The following CDH18 variants were observed in gnomAD, a reference collection of about 807,000 sequenced individuals.
CDH18 encodes the protein cadherin-18.
CDH18 carries 31 observed loss-of-function variants against 67.9 expected under a neutral mutation model. The observed-to-expected ratio is 0.46, with a 90% confidence interval of 0.34 to 0.62. The LOEUF (loss-of-function observed/expected upper bound fraction) is 0.62. CDH18 is among the 20% of genes least tolerant of loss of function. The pLI, the probability that CDH18 is intolerant of heterozygous loss-of-function variation, is 0.01. For synonymous variants in CDH18, 362 were observed against 347.2 expected, an observed-to-expected ratio of 1.04 and a Z score of -0.48; for missense variants, 890 against 975.5, an observed-to-expected ratio of 0.91 and a Z score of 1.17.
intron 5 of CDH18, among the ~76,000 whole-genome samples, chr5:19,710,861 G>A (rs1234525789): frequency 6.6e-6 from 1 of 151,910 alleles, no homozygotes; most frequent in Non-Finnish European, 1.5e-5. Flanking sequence ...CTTCATACAA[G>A]GCTATCATAA....
chr5:20,253,921 G>T (rs1455716051), intron 2 of CDH18, among the ~76,000 whole-genome samples: 1 of 152,092 alleles, frequency 6.6e-6, no homozygotes, highest in Non-Finnish European at 1.5e-5. Context: ...TACACAGGAT[G>T]AAAATTCCCA....
intron 2 of CDH18, among the ~76,000 whole-genome samples, chr5:20,216,904 A>G (rs1740824387): frequency 6.6e-6 from 1 of 151,970 alleles, no homozygotes; most frequent in African/African-American, 2.4e-5. Context: ...AAAATAACAT[A>G]CAAAGAAATT....
chr5:20,188,108 T>C (rs1301897275), intron 2 of CDH18, among the ~76,000 whole-genome samples: 1 of 151,956 alleles, frequency 6.6e-6, no homozygotes, highest in Non-Finnish European at 1.5e-5. Flanking sequence ...TTTATAGTAC[T>C]TTATTACACG....
At chr5:20,188,260 G>A (rs1340910602) in intron 2 of CDH18, among the ~76,000 whole-genome samples, 1 of 151,984 alleles carries the variant, frequency 6.6e-6, no homozygotes, top group Non-Finnish European at 1.5e-5. Context: ...GAAACCTCAT[G>A]TTGAAGCTAT....
At chr5:20,419,289 C>T (rs746594803) in intron 1 of CDH18, among the ~76,000 whole-genome samples, 5 of 151,854 alleles carry the variant, frequency 3.3e-5, no homozygotes, top group Non-Finnish European at 5.9e-5. Context: ...CTTTTTCTAC[C>T]GAGTCTTGAG....
chr5:19,887,739 T>G (rs1200537873), intron 2 of CDH18, among the ~76,000 whole-genome samples: 2 of 151,734 alleles, frequency 1.3e-5, no homozygotes, highest in Admixed American at 1.3e-4. Flanking sequence ...GTTTTTTTTT[T>G]TTTTAATTTT....
intron 2 of CDH18, among the ~76,000 whole-genome samples, chr5:20,127,058 T>A (rs1318084955): frequency 1.3e-5 from 2 of 152,190 alleles, no homozygotes; most frequent in East Asian, 3.8e-4. Context: ...CCCACCCAAA[T>A]CTCACATAGA....
At chr5:20,402,818 G>C (rs1418386115) in intron 1 of CDH18, among the ~76,000 whole-genome samples, 3 of 151,564 alleles carry the variant, frequency 2.0e-5, no homozygotes, top group African/African-American at 4.9e-5. Flanking sequence ...TGAGGCAGGA[G>C]AATTGCTTGA....
intron 5 of CDH18, among the ~76,000 whole-genome samples, chr5:19,684,794 T>C (rs1406200913): frequency 2.6e-5 from 4 of 152,080 alleles, no homozygotes; most frequent in Admixed American, 1.3e-4. Context: ...TTTCCCACAA[T>C]TGAAGTTTCG....
intron 6 of CDH18, among the ~76,000 whole-genome samples, chr5:19,595,185 T>C (rs1280816900): frequency 6.6e-6 from 1 of 152,130 alleles, no homozygotes; most frequent in African/African-American, 2.4e-5. Context: ...CCATTTATAA[T>C]AGCATTGAAA....
intron 3 of CDH18, among the ~76,000 whole-genome samples, chr5:19,805,599 A>C (rs577243729): frequency 6.6e-6 from 1 of 152,040 alleles, no homozygotes; most frequent in Non-Finnish European, 1.5e-5. Context: ...AGGCCCACAA[A>C]ACACCCAGAT....
At chr5:19,772,224 C>G (rs1773809917) in intron 3 of CDH18, among the ~76,000 whole-genome samples, 1 of 152,118 alleles carries the variant, frequency 6.6e-6, no homozygotes, top group Non-Finnish European at 1.5e-5. Context: ...CAAAAATATC[C>G]ATGTCTTAAT....
At chr5:19,876,844 A>T (rs1353896002) in intron 2 of CDH18, among the ~76,000 whole-genome samples, 3 of 152,118 alleles carry the variant, frequency 2.0e-5, no homozygotes, top group Admixed American at 1.3e-4. Context: ...CTAACTTCCT[A>T]ACCTTCCTTG....
intron 1 of CDH18, among the ~76,000 whole-genome samples, chr5:19,982,040 A>G (rs866863692): frequency 3.3e-5 from 5 of 152,206 alleles, no homozygotes; most frequent in Middle Eastern, 6.3e-3. Flanking sequence ...TTAATTTACT[A>G]TATAACAGGA....
intron 1 of CDH18, among the ~76,000 whole-genome samples, chr5:20,508,960 T>A (rs1288934320): frequency 6.6e-6 from 1 of 152,174 alleles, no homozygotes; most frequent in Non-Finnish European, 1.5e-5. Context: ...GTTTTACTTT[T>A]TATAATTGAC....
At chr5:20,456,788 C>G (rs1230666942) in intron 1 of CDH18, among the ~76,000 whole-genome samples, 1 of 151,898 alleles carries the variant, frequency 6.6e-6, no homozygotes, top group Non-Finnish European at 1.5e-5. Context: ...AAATACCAAA[C>G]TGAGTGTCTA....
At chr5:20,132,709 A>C (rs1233171925) in intron 2 of CDH18, among the ~76,000 whole-genome samples, 1 of 152,142 alleles carries the variant, frequency 6.6e-6, no homozygotes, top group Non-Finnish European at 1.5e-5. Context: ...AAATAGCACT[A>C]AGTAGCCTCA....
intron 5 of CDH18, among the ~76,000 whole-genome samples, chr5:19,691,309 G>A (rs1425935109): frequency 1.3e-5 from 2 of 151,676 alleles, no homozygotes; most frequent in Non-Finnish European, 3.0e-5. Flanking sequence ...AAAACTGAAA[G>A]CCTTTCTTCT....
intron 1 of CDH18, among the ~76,000 whole-genome samples, chr5:20,285,355 T>A (rs1351167627): frequency 2.0e-5 from 3 of 148,864 alleles, no homozygotes; most frequent in Admixed American, 6.8e-5. Flanking sequence ...GATAGGGCCA[T>A]ATAATCTGAG....
Sources: gnomAD v4.1 joint callset for allele counts (sites outside exome capture counted in the v4.1 genomes callset) on GRCh38, gnomAD v4.1.1 for gene constraint, MANE v1.5 for transcripts, NCBI Gene and HGNC (gene_info 2026-07-23, HGNC 2026-07-21) for gene names.